ASB4: variants seen among roughly 807,000 people sequenced by gnomAD.
ASB4 encodes the protein ankyrin repeat and SOCS box protein 4.
A neutral mutation model predicts 38.6 loss-of-function variants in ASB4; 35 were observed. The observed-to-expected ratio is 0.91, with a 90% confidence interval of 0.69 to 1.20. ASB4 has a LOEUF of 1.20. ASB4 is among the 50% of genes most tolerant of loss of function. The probability of loss-of-function intolerance (pLI) is 0.00; values close to 1 mark genes in which losing one functional copy is unlikely to be tolerated. For missense variants in ASB4, 557 were observed against 527.2 expected, an observed-to-expected ratio of 1.06 and a Z score of -0.55; for synonymous variants, 195 against 201.3, an observed-to-expected ratio of 0.97 and a Z score of 0.26.
chr7:95,510,719 C>T (rs17704028), intron 2 of ASB4, among the ~76,000 whole-genome samples: 18,751 of 152,172 alleles, frequency 0.12, 1,357 homozygotes, highest in South Asian at 0.16. Context: ...GTTAGCATTA[C>T]AGGTTTCCTT....
chr7:95,523,605 C>G (rs906159169), intron 2 of ASB4, among the ~76,000 whole-genome samples: 1 of 151,944 alleles, frequency 6.6e-6, no homozygotes, highest in Admixed American at 6.6e-5. Context: ...AAAAATATAA[C>G]TTTTGGTAGT....
Position 95,486,062 on chromosome 7 carries a change from G to A in ASB4, c.91G>A (p.Gly31Arg), listed in dbSNP as rs574380923. ...FLEALKSNDF[G>R]KLKAILIQRQ... ...TGAGGCGCTAAAGTCCAATGACTTC[G>A]GAAAATTGAAGGCTATTTTGATCCA... Residue 31 changes from glycine to arginine, a missense_variant, in exon 1 of 5, where the codon GGA becomes AGA. Physicochemically the swap from Gly to Arg is moderately radical, Grantham distance 125. Coordinates refer to ENST00000325885, the MANE Select transcript of ASB4 (RefSeq NM_016116.3). 1.5e-5 allele frequency: 24 copies of A among 1,614,094 alleles called. No individual in the cohort carries two copies. The African/African-American group carries it at 2.7e-4, about 18-fold the overall frequency.
rs1205378473 is a variant in ASB4 at position 95,538,940 on chromosome 7, G to T, written c.*1181G>T. On this transcript the variant is annotated 3_prime_UTR_variant, in exon 5 of 5. Coordinates refer to ENST00000325885, the MANE Select transcript of ASB4 (RefSeq NM_016116.3). ...GTAAATAGAGAGACTTTTTGAAAATGGTAAAAGTTTGAGAAACTTGGGAAG... is the reference window on the plus strand; with the variant it reads ...GTAAATAGAGAGACTTTTTGAAAATTGTAAAAGTTTGAGAAACTTGGGAAG... 2.0e-5 allele frequency: 3 copies of T among 152,178 alleles called. No homozygotes were observed. The highest frequency in any genetic ancestry group is 4.4e-5 in the Non-Finnish European group (3 of 68,034). The allele number at this position is 152,178 out of a possible 1,614,324, so 9.4% of individuals were successfully genotyped here.
intron 3 of ASB4, among the ~76,000 whole-genome samples, chr7:95,534,464 A>G (rs1487759506): frequency 6.6e-6 from 1 of 151,758 alleles, no homozygotes; most frequent in Non-Finnish European, 1.5e-5. Flanking sequence ...TCCAAGTTGT[A>G]TTCTTTCTTC....
chr7:95,477,735 C>CTTT (rs34231561), upstream of ASB4, among the ~76,000 whole-genome samples: 4 of 142,506 alleles, frequency 2.8e-5, no homozygotes, highest in African/African-American at 1.0e-4. Flanking sequence ...TAACAAGAAC[C>CTTT]TTTTTTTTTT....
chr7:95,517,299 G>T (rs1223617478), intron 2 of ASB4, among the ~76,000 whole-genome samples: 4 of 152,116 alleles, frequency 2.6e-5, no homozygotes, highest in African/African-American at 9.7e-5. Flanking sequence ...CTCCCCAAAT[G>T]CTGGGACTAC....
downstream of ASB4, chr7:95,542,396 A>G (rs535968952): frequency 6.6e-6 from 1 of 152,030 alleles, no homozygotes; most frequent in Non-Finnish European, 1.5e-5. Flanking sequence ...ATGCAAAAAC[A>G]TCCCCCAAAA....
intron 2 of ASB4, among the ~76,000 whole-genome samples, chr7:95,518,134 C>G (rs1395394721): frequency 1.3e-5 from 2 of 152,182 alleles, no homozygotes; most frequent in African/African-American, 4.8e-5. Flanking sequence ...CACAGAAACT[C>G]AATTCAGCAA....
chr7:95,471,112 T>A, the ASB4 span, among the ~76,000 whole-genome samples: 5 of 152,216 alleles, frequency 3.3e-5, no homozygotes, highest in Admixed American at 6.5e-5. Flanking sequence ...TTGGCTCATT[T>A]CTAAGTGTGT....
chr7:95,471,302 T>C, the ASB4 span, among the ~76,000 whole-genome samples: 2 of 152,128 alleles, frequency 1.3e-5, no homozygotes, highest in Non-Finnish European at 2.9e-5. Context: ...CCAGGGCCAT[T>C]GCTATTGTCC....
intron 1 of ASB4, among the ~76,000 whole-genome samples, chr7:95,488,908 C>T (rs1476647263): frequency 3.9e-5 from 6 of 152,154 alleles, no homozygotes; most frequent in East Asian, 1.9e-4. Context: ...AAACCTATAA[C>T]GAATCTCATG....
At chr7:95,530,142 C>T (rs1156424182) in intron 3 of ASB4, among the ~76,000 whole-genome samples, 2 of 142,932 alleles carry the variant, frequency 1.4e-5, no homozygotes, top group African/African-American at 2.5e-5. Context: ...ATTATGTGTG[C>T]TACTTTAAGT....
rs1790233556 is a variant in ASB4, at chr7:95,495,616, T to C, written c.188-142T>C. 1.0e-5 allele frequency: 8 copies of C among 772,462 alleles called. No homozygotes were observed. In the South Asian group the frequency reaches 1.5e-4, roughly 15 times the overall value. The allele number at this position is 772,462 out of a possible 1,614,324, so 47.9% of individuals were successfully genotyped here. On this transcript the variant is annotated intron_variant, in intron 1 of 4. Coordinates refer to ENST00000325885, the MANE Select transcript of ASB4 (RefSeq NM_016116.3). ...CGCTTGCAGACCCATTAGCTATTAG[T>C]TTAAAACCTCTGTCATCCCCTCTCC...
At chr7:95,515,165 T>TCTC (rs1790539358) in intron 2 of ASB4, among the ~76,000 whole-genome samples, 7 of 81,806 alleles carry the variant, frequency 8.6e-5, no homozygotes, top group African/African-American at 2.8e-4. Flanking sequence ...TTCTTTCTCT[T>TCTC]TCTCTTTCTT....
At chr7:95,513,259 T>G (rs1372676311) in intron 2 of ASB4, among the ~76,000 whole-genome samples, 63 of 141,878 alleles carry the variant, frequency 4.4e-4, no homozygotes, top group South Asian at 2.3e-3. Context: ...GTTTGTTTTT[T>G]TTTTTTTTTT....
chr7:95,528,067 C>A lies in ASB4; in HGVS notation c.742C>A (p.Arg248=), dbSNP rs1433650027. The A allele has an allele frequency of 1.2e-6, 2 of 1,614,038 alleles. No individual in the cohort carries two copies. Among genetic ancestry groups the A allele is most frequent in the Non-Finnish European group, 1.7e-6 (2 of 1,180,048 alleles). The change falls in exon 3 of 5, where the codon CGA becomes AGA. Residue 248 remains arginine (R), a synonymous_variant. Coordinates refer to ENST00000325885, the MANE Select transcript of ASB4 (RefSeq NM_016116.3). Reference sequence around the variant, plus strand: ...TGACTACAAAGCCGAAGTCAATGCCCGAGATGACGACTTTAAATCTCCCCT... The same window carrying A: ...TGACTACAAAGCCGAAGTCAATGCCAGAGATGACGACTTTAAATCTCCCCT... ...LLDYKAEVNA[R]DDDFKSPLHK...
rs116847760 is a variant in ASB4, at chr7:95,517,782, G to A, written c.488-10031G>A. On this transcript the variant is annotated intron_variant, in intron 2 of 4. Transcript: ENST00000325885. The stretch of plus-strand genomic sequence containing the variant: ...GGTTTGATGGACTGAGGAGTGTATC[G>A]GTGGTGAGACAGTGGATGTGGAAAA... 7.3e-3 allele frequency among the ~76,000 whole-genome samples: 1,106 copies of A among 152,134 alleles called. 37 individuals are homozygous for A. Among genetic ancestry groups the A allele is most frequent in the Admixed American group, 0.058 (882 of 15,270 alleles).
At chr7:95,515,868 G>A (rs1790577562) in intron 2 of ASB4, among the ~76,000 whole-genome samples, 1 of 152,226 alleles carries the variant, frequency 6.6e-6, no homozygotes, top group Admixed American at 6.5e-5. Flanking sequence ...ACTCAAAAAA[G>A]TAGGCTCACT....
intron 3 of ASB4, among the ~76,000 whole-genome samples, chr7:95,531,797 G>A (rs1790823127): frequency 6.6e-6 from 1 of 152,088 alleles, no homozygotes; most frequent in Non-Finnish European, 1.5e-5. Context: ...ATGTGCTCTT[G>A]GTCCAGCATA....
Sources: allele counts gnomAD v4.1 joint callset (sites outside exome capture counted in the v4.1 genomes callset), GRCh38; gene constraint gnomAD v4.1.1; transcripts MANE v1.5; gene names NCBI Gene and HGNC (gene_info 2026-07-23, HGNC 2026-07-21).